ERMP1: variants seen among roughly 807,000 people sequenced by gnomAD.
The protein encoded by ERMP1 is endoplasmic reticulum metallopeptidase 1.
A neutral mutation model predicts 92.0 loss-of-function variants in ERMP1; 86 were observed. That is an observed-to-expected ratio of 0.93 (90% confidence interval 0.79 to 1.12). ERMP1 has a LOEUF of 1.12. ERMP1 is among the 50% of genes most tolerant of loss of function. ERMP1 has a pLI of 0.00. For synonymous variants in ERMP1, 530 were observed against 412.8 expected, an observed-to-expected ratio of 1.28 and a Z score of -3.44; for missense variants, 1,342 against 1,116.3, an observed-to-expected ratio of 1.20 and a Z score of -2.88.
chr9:5,809,881 G>A (rs1563758030), intron 8 of ERMP1, 130 bp downstream of exon 8: 4 of 637,028 alleles, frequency 6.3e-6, no homozygotes, highest in South Asian at 5.6e-5. Context: ...CACAGTGTAG[G>A]TGCGTTTTCC....
Position 5,800,307 on chromosome 9 carries a change from T to C in ERMP1, c.2067+869A>G, listed in dbSNP as rs375794199. Among the ~76,000 whole-genome samples, 5 of 152,280 alleles carry C rather than the reference T, an allele frequency of 3.3e-5. No homozygotes were observed. In the South Asian group the frequency reaches 1.0e-3, roughly 32 times the overall value. On this transcript the variant is annotated intron_variant, in intron 11 of 14. Transcript: ENST00000339450. Reference sequence around the variant, plus strand: ...ACAATTTAGCCATCTCTAACAGAGATGACTAGAATTGAGGCTTACTGCTTT... The same window carrying C: ...ACAATTTAGCCATCTCTAACAGAGACGACTAGAATTGAGGCTTACTGCTTT...
upstream of ERMP1, among the ~76,000 whole-genome samples, chr9:5,836,351 C>T (rs1586832656): frequency 6.6e-6 from 1 of 152,178 alleles, no homozygotes; most frequent in African/African-American, 2.4e-5. Flanking sequence ...AGAAGGATGC[C>T]TTTTACATGA....
intron 2 of ERMP1, among the ~76,000 whole-genome samples, chr9:5,829,686 C>G (rs1273203274): frequency 6.6e-6 from 1 of 152,132 alleles, no homozygotes; most frequent in Non-Finnish European, 1.5e-5. Context: ...TCAAATGTAG[C>G]TGAAAGAACT....
intron 6 of ERMP1, among the ~76,000 whole-genome samples, chr9:5,841,833 G>A (rs1309851762): frequency 1.3e-5 from 2 of 152,204 alleles, no homozygotes; most frequent in East Asian, 3.8e-4. Context: ...CTCGCGGTGA[G>A]TGTGACAGTT....
Position 5,832,895 on chromosome 9 carries a change from C to T in ERMP1, c.133G>A (p.Gly45Ser), listed in dbSNP as rs1830015367. Residue 45 changes from glycine to serine, a missense_variant, in exon 1 of 15, where the codon GGC becomes AGC. Physicochemically the swap from Gly to Ser is moderately conservative, Grantham distance 56. Coordinates refer to ENST00000339450, the MANE Select transcript of ERMP1 (RefSeq NM_024896.3). The part of the protein sequence containing the change: ...AQEPLVDGCS[G>S]GGRTRKRSPG... ...CTCCTCTTCCGCGTCCTCCCGCCGC[C>T]GCTGCACCCATCCACCAGAGGCTCC... 1.9e-6 allele frequency: 3 copies of T among 1,553,782 alleles called. No individual in the cohort carries two copies. The highest frequency in any genetic ancestry group is 2.6e-6 in the Non-Finnish European group (3 of 1,160,364).
intron 13 of ERMP1, among the ~76,000 whole-genome samples, chr9:5,795,165 T>C (rs1033640779): frequency 7.2e-5 from 11 of 152,158 alleles, no homozygotes; most frequent in African/African-American, 2.7e-4. Context: ...TATCAATATA[T>C]GCAGGAAAAG....
rs565431664 is a variant in ERMP1, at chr9:5,792,121, G to C, written c.2387-4528C>G. Among the ~76,000 whole-genome samples, 26 of 152,260 alleles carry C rather than the reference G, an allele frequency of 1.7e-4. No individual in the cohort carries two copies. The South Asian group carries it at 4.6e-3, about 27-fold the overall frequency. The stretch of plus-strand genomic sequence containing the variant: ...GTGTGTTGGGTGCAAATAAGGGTTG[G>C]ATGTGGCTATGCAGTGCAAAGGGAG... On this transcript the variant is annotated intron_variant, in intron 13 of 14. Transcript: ENST00000339450.
rs909460375 is a variant in ERMP1, at chr9:5,831,928, C to T, written c.338+762G>A. Reference sequence around the variant, plus strand: ...GGGGGTGGGAGACGTTTCAGAAAGTCCTTAATAAGCTTGCAACACTTTGCA... The same window carrying T: ...GGGGGTGGGAGACGTTTCAGAAAGTTCTTAATAAGCTTGCAACACTTTGCA... On this transcript the variant is annotated intron_variant, in intron 1 of 14. Coordinates refer to ENST00000339450, the MANE Select transcript of ERMP1 (RefSeq NM_024896.3). Among the ~76,000 whole-genome samples the T allele has an allele frequency of 1.7e-4, 26 of 152,162 alleles. 1 individual carries two copies. Among genetic ancestry groups the T allele is most frequent in the Admixed American group, 1.2e-3 (19 of 15,282 alleles).
chr9:5,860,768 G>C (rs1471162818), intron 5 of ERMP1, among the ~76,000 whole-genome samples: 2 of 151,918 alleles, frequency 1.3e-5, no homozygotes, highest in African/African-American at 4.8e-5. Flanking sequence ...AAAAACTGTA[G>C]AGACAGTCTC....
intron 2 of ERMP1, among the ~76,000 whole-genome samples, chr9:5,826,858 A>G (rs1425255392): frequency 6.6e-6 from 1 of 152,228 alleles, no homozygotes; most frequent in Non-Finnish European, 1.5e-5. Context: ...TACAGGGTTG[A>G]TTAAAAAGTT....
chr9:5,832,560 T>G (rs1206098676), intron 1 of ERMP1, 130 bp downstream of exon 1: 11 of 684,956 alleles, frequency 1.6e-5, no homozygotes, highest in African/African-American at 1.9e-5. Context: ...CCACCCCACG[T>G]GCAGCCTGGG....
chr9:5,806,888 T>C (rs1828892748), intron 8 of ERMP1, among the ~76,000 whole-genome samples: 1 of 152,216 alleles, frequency 6.6e-6, no homozygotes, highest in South Asian at 2.1e-4. Context: ...CAAGAGTTTC[T>C]GTGACGTGTT....
At chr9:5,821,483 G>T (rs757174176) in intron 4 of ERMP1, among the ~76,000 whole-genome samples, 3 of 152,258 alleles carry the variant, frequency 2.0e-5, no homozygotes, top group Admixed American at 2.0e-4. Flanking sequence ...AAAGAGTAAG[G>T]ACTCTGGGCT....
At position 5,833,024 on chromosome 9, in the gene ERMP1, C is replaced by G. The variant is rs1387222073; in HGVS notation, c.4G>C (p.Glu2Gln). 1.3e-6 allele frequency: 2 copies of G among 1,526,796 alleles called. No homozygotes were observed. The highest frequency in any genetic ancestry group is 1.7e-6 in the Non-Finnish European group (2 of 1,147,550). 94.6% of individuals were successfully genotyped at this position (1,526,796 alleles called of 1,614,324 possible). A position where few individuals can be genotyped will look rare whatever the true frequency, so the allele number is the denominator to read the frequency against. ...ACAGCAGCCGACTCAGAACCCCACTCCATGGCCACGAGCCTCAGCTGCCAG... is the reference window on the plus strand; with the variant it reads ...ACAGCAGCCGACTCAGAACCCCACTGCATGGCCACGAGCCTCAGCTGCCAG... Reference protein sequence around the residue: MEWGSESAAVRR... With the variant: MQWGSESAAVRR... Residue 2 changes from glutamate (E) to glutamine (Q), a missense_variant, in exon 1 of 15, where the codon GAG becomes CAG. Coordinates refer to ENST00000339450, the MANE Select transcript of ERMP1 (RefSeq NM_024896.3).
intron 6 of ERMP1, among the ~76,000 whole-genome samples, chr9:5,854,719 G>A (rs1830352452): frequency 6.6e-6 from 1 of 152,076 alleles, no homozygotes; most frequent in South Asian, 2.1e-4. Flanking sequence ...TAGATATGGG[G>A]TTTTGCCATG....
Position 5,787,279 on chromosome 9 carries a change from G to T in ERMP1, c.2580C>A (p.Val860=). The T allele has an allele frequency of 1.2e-6, 2 of 1,613,572 alleles. No homozygotes were observed. Among genetic ancestry groups the T allele is most frequent in the South Asian group, 2.2e-5 (2 of 90,900 alleles). Residue 860 remains valine (V), a synonymous_variant, in exon 15 of 15, where the codon GTC becomes GTA. Transcript: ENST00000339450. ...GATAGTGGGCAGCAATGGCCACGGT[G>T]ACCATTCCTTCAGGATGTTCTTCTG... ...QVSEEHPEGM[V]TVAIAAHYLS...
chr9:5,829,087 T>C (rs1465763206), intron 2 of ERMP1, among the ~76,000 whole-genome samples: 1 of 151,246 alleles, frequency 6.6e-6, no homozygotes, highest in East Asian at 1.9e-4. Flanking sequence ...CTGCCAAAAA[T>C]ACAAAAAAAA....
Position 5,813,047 on chromosome 9 carries a change from G to T in ERMP1, c.875-12C>A, listed in dbSNP as rs138524100. 1 of 1,613,018 alleles carries T rather than the reference G, an allele frequency of 6.2e-7. No individual in the cohort carries two copies. Among genetic ancestry groups the T allele is most frequent in the African/African-American group, 1.3e-5 (1 of 74,940 alleles). On this transcript the variant is annotated splice_polypyrimidine_tract_variant and intron_variant, in intron 4 of 14. Transcript: ENST00000339450. ...AGGATTTTCAGGACCTAAAATGAAA[G>T]ATGACAACACAATAGAAGGTATTCC... is the stretch of plus-strand genomic sequence containing the variant.
At position 5,805,057 on chromosome 9, in the gene ERMP1, A is replaced by T; in HGVS notation, c.1884T>A (p.Ala628=). ...PPDVVLASIL[A]GCTMILSSYF... is the part of the protein sequence containing the mutation. ...AGGACGAGAGAATCATTGTACAGCC[A>T]GCCAAAATGGATGCCAGCACAACAT... The change falls in exon 10 of 15, where the codon GCT becomes GCA. Residue 628 remains alanine (A), a synonymous_variant. Transcript: ENST00000339450. The T allele has an allele frequency of 6.2e-7, 1 of 1,612,584 alleles. No individual in the cohort carries two copies. Among genetic ancestry groups the T allele is most frequent in the Non-Finnish European group, 8.5e-7 (1 of 1,179,762 alleles).
Sources: allele counts gnomAD v4.1 joint callset (sites outside exome capture counted in the v4.1 genomes callset), GRCh38; gene constraint gnomAD v4.1.1; transcripts MANE v1.5; gene names NCBI Gene and HGNC (gene_info 2026-07-23, HGNC 2026-07-21).